The following FMNL3 variants were observed in gnomAD, a reference collection of about 807,000 sequenced individuals.
FMNL3 encodes formin-like protein 3.
FMNL3 carries 57 observed loss-of-function variants against 119.6 expected under a neutral mutation model. The observed-to-expected ratio is 0.48, with a 90% CI of 0.39 to 0.59. The LOEUF is 0.59. Ranked by LOEUF, FMNL3 falls within the 20% of genes least tolerant of loss-of-function variation. The pLI, the probability that FMNL3 is intolerant of heterozygous loss-of-function variation, is 0.00. For missense variants in FMNL3, 1,053 were observed against 1,323.5 expected, an observed-to-expected ratio of 0.80 and a Z score of 3.17; for synonymous variants, 491 against 507.3, an observed-to-expected ratio of 0.97 and a Z score of 0.43.
chr12:49,698,095 T>G (rs904330696), intron 1 of FMNL3, among the ~76,000 whole-genome samples: 3 of 152,224 alleles, frequency 2.0e-5, no homozygotes, highest in African/African-American at 7.2e-5. Context: ...ACCAGGCTCA[T>G]GTCAACTTTC....
At position 49,642,893 on chromosome 12, in the gene FMNL3, G is replaced by A. The variant is rs1243276104; in HGVS notation, c.*2922C>T. 8 of 1,588,740 alleles carry A rather than the reference G, an allele frequency of 5.0e-6. No homozygotes were observed. Among genetic ancestry groups the A allele is most frequent in the South Asian group, 1.1e-5 (1 of 88,150 alleles). On this transcript the variant is annotated 3_prime_UTR_variant, in exon 26 of 26. Transcript: ENST00000335154. The surrounding 1 kb of genome is among the most constrained non-coding windows in gnomAD (Gnocchi z 5.8). ...TAGGATCCTTCCTGGGGCTAAGTCT[G>A]GTGCTGTCCTCACCCTTCTTCCTCT...
At chr12:49,691,674 T>C (rs1352625063) in intron 1 of FMNL3, among the ~76,000 whole-genome samples, 1 of 152,146 alleles carries the variant, frequency 6.6e-6, no homozygotes, top group Non-Finnish European at 1.5e-5. Context: ...GCCCTTTCTC[T>C]CTCTCGCACT....
Position 49,650,812 on chromosome 12 carries a change from T to C in FMNL3, c.1864A>G (p.Ile622Val). 6.2e-7 allele frequency: 1 copy of C among 1,614,200 alleles called. No individual in the cohort carries two copies. The highest frequency in any genetic ancestry group is 8.5e-7 in the Non-Finnish European group (1 of 1,180,022). The stretch of plus-strand genomic sequence containing the variant: ...TGCGCTGTCTTGTTTTTGGAGCAGA[T>C]GAGGTCAAGGGCAGGGCCCTGCGCT... ...TKAQGPALDL[I>V]CSKNKTAQKA... The change falls in exon 17 of 26, where the codon ATC (isoleucine) becomes GTC (valine). Residue 622 changes from isoleucine (I) to valine (V), a missense_variant. By Grantham distance (29) the Ile-to-Val change is conservative (BLOSUM62 3). Transcript: ENST00000335154.
rs1942499640 is a variant in FMNL3 at position 49,640,607 on chromosome 12, TGGC to T, written c.*5205_*5207del. On this transcript the variant is annotated 3_prime_UTR_variant, in exon 26 of 26. Transcript: ENST00000335154. ...AGTCAGATTACTCCTGGTTGCTTATTGGCTCTGAGACCTCCGTAAGTTCCGTGT... is the reference window on the plus strand; with the variant it reads ...AGTCAGATTACTCCTGGTTGCTTATTTCTGAGACCTCCGTAAGTTCCGTGT... 6.6e-6 allele frequency: 1 copy of T among 152,242 alleles called. No individual in the cohort carries two copies. Among genetic ancestry groups the T allele is most frequent in the Non-Finnish European group, 1.5e-5 (1 of 68,042 alleles). 9.4% of individuals were successfully genotyped at this position (152,242 alleles called of 1,614,324 possible).
chr12:49,678,105 G>C (rs977683794), intron 1 of FMNL3, among the ~76,000 whole-genome samples: 7 of 151,982 alleles, frequency 4.6e-5, no homozygotes, highest in African/African-American at 1.7e-4. Flanking sequence ...TTCATGATCT[G>C]CCTGACTCGG....
rs370989934 is a variant in FMNL3 at position 49,644,114 on chromosome 12, G to A, written c.*1701C>T. 9.2e-5 allele frequency: 148 copies of A among 1,614,212 alleles called. 1 individual carries two copies. The highest frequency in any genetic ancestry group is 1.6e-4 in the Middle Eastern group (1 of 6,062). ...TGCTCCAACAGACAGGCTGGGACAC[G>A]TCAGAAAGTGAGCTGAGTGAGGGTG... On this transcript the variant is annotated 3_prime_UTR_variant, in exon 26 of 26. Transcript: ENST00000335154.
chr12:49,678,123 A>C (rs913727897), intron 1 of FMNL3, among the ~76,000 whole-genome samples: 3 of 151,420 alleles, frequency 2.0e-5, no homozygotes, highest in African/African-American at 7.3e-5. Context: ...CGGCCTCCCA[A>C]AGTGCTGGGA....
At chr12:49,648,443 T>G (rs1943283813) in intron 21 of FMNL3, 90 bp from the exon 22 acceptor site, 6 of 1,392,526 alleles carry the variant, frequency 4.3e-6, no homozygotes, top group Non-Finnish European at 4.8e-6. Flanking sequence ...GCCCTCCCCC[T>G]CAGCATGGGC....
Position 49,640,918 on chromosome 12 carries a change from T to C in FMNL3, c.*4897A>G, listed in dbSNP as rs1942549984. ...CTTGGAGCTTTCAATTCCCTGAGAATGAATGCTGTGTTGATAAGGACTGTA... is the reference window on the plus strand; with the variant it reads ...CTTGGAGCTTTCAATTCCCTGAGAACGAATGCTGTGTTGATAAGGACTGTA... On this transcript the variant is annotated 3_prime_UTR_variant, in exon 26 of 26. Transcript: ENST00000335154. 1 of 152,134 alleles carries C rather than the reference T, an allele frequency of 6.6e-6. No individual in the cohort carries two copies. The highest frequency in any genetic ancestry group is 2.4e-5 in the African/African-American group (1 of 41,390). 9.4% of individuals were successfully genotyped at this position (152,134 alleles called of 1,614,324 possible).
chr12:49,692,839 T>C (rs1944642060), intron 1 of FMNL3, among the ~76,000 whole-genome samples: 2 of 152,098 alleles, frequency 1.3e-5, no homozygotes, highest in African/African-American at 4.8e-5. Flanking sequence ...AGAAAAAGAA[T>C]AGTAAGTGGG....
rs1035579183 is a variant in FMNL3 at position 49,692,909 on chromosome 12, C to T, written c.126+14146G>A. 2.6e-4 allele frequency among the ~76,000 whole-genome samples: 40 copies of T among 152,154 alleles called. 1 individual carries two copies. Among genetic ancestry groups the T allele is most frequent in the Admixed American group, 2.6e-4 (4 of 15,266 alleles). ...ACCTAAAGTATAAACTAGAAAGAGT[C>T]GTTTTAACATCCAGGCAAAGGGTAT... On this transcript the variant is annotated intron_variant, in intron 1 of 25. Transcript: ENST00000335154.
At position 49,649,747 on chromosome 12, in the gene FMNL3, T is replaced by C; in HGVS notation, c.2179A>G (p.Met727Val). 1 of 1,614,182 alleles carries C rather than the reference T, an allele frequency of 6.2e-7. No homozygotes were observed. The highest frequency in any genetic ancestry group is 8.5e-7 in the Non-Finnish European group (1 of 1,180,024). Residue 727 changes from methionine (M) to valine (V), a missense_variant, in exon 18 of 26, where the codon ATG becomes GTG. Physicochemically the swap from Met to Val is conservative, Grantham distance 21 (BLOSUM62 1). Transcript: ENST00000335154. This position sits in a 1 kb window ranked among gnomAD's most constrained non-coding sequence, Gnocchi z 5.6. ...FSKVERLTQR[M>V]AGMAFLGNFQ... ...TTCCCCAGGAAGGCCATGCCAGCCATTCGCTGGGTCAACCGTTCCACCTTG... is the reference window on the plus strand; with the variant it reads ...TTCCCCAGGAAGGCCATGCCAGCCACTCGCTGGGTCAACCGTTCCACCTTG...
intron 3 of FMNL3, 84 bp from the exon 4 acceptor site, chr12:49,665,992 T>C (rs1057178629): frequency 6.4e-7 from 1 of 1,552,328 alleles, no homozygotes; most frequent in African/African-American, 1.4e-5. Context: ...TTCCAGGCCC[T>C]TGGCCACAGA....
chr12:49,662,741 T>C (rs1943771306), intron 4 of FMNL3, among the ~76,000 whole-genome samples: 1 of 152,118 alleles, frequency 6.6e-6, no homozygotes. Flanking sequence ...GCCAGGAAGG[T>C]AGACAACAAA....
At chr12:49,670,075 T>A (rs2138876083) in intron 1 of FMNL3, among the ~76,000 whole-genome samples, 1 of 152,340 alleles carries the variant, frequency 6.6e-6, no homozygotes, top group Non-Finnish European at 1.5e-5. Flanking sequence ...TTCTCTCCTT[T>A]AACTACTGTC....
chr12:49,648,235 T>G lies in FMNL3; in HGVS notation c.2634A>C (p.Glu878Asp). 17 of 1,613,916 alleles carry G rather than the reference T, an allele frequency of 1.1e-5. No homozygotes were observed. Among genetic ancestry groups the G allele is most frequent in the Non-Finnish European group, 1.4e-5 (17 of 1,179,898 alleles). Reference sequence around the variant, plus strand: ...CCCGCTGGAGCTTGTCTAGTTTGCCTTCATTGGTACTGAGGAAGTTCCGGA... The same window carrying G: ...CCCGCTGGAGCTTGTCTAGTTTGCCGTCATTGGTACTGAGGAAGTTCCGGA... ...SVLRNFLSTN[E>D]GKLDKLQRDA... The change falls in exon 22 of 26, where the codon GAA (glutamate) becomes GAC (aspartate). Residue 878 changes from glutamate (E) to aspartate (D), a missense_variant. Glu to Asp is a conservative substitution (Grantham distance 45, BLOSUM62 2). This residue lies in a region of FMNL3 where 324 missense variants were observed against 380.9 expected (regional missense o/e 0.85). Coordinates refer to ENST00000335154, the MANE Select transcript of FMNL3 (RefSeq NM_175736.5).
chr12:49,685,338 T>G (rs748493475), intron 1 of FMNL3, among the ~76,000 whole-genome samples: 1 of 152,118 alleles, frequency 6.6e-6, no homozygotes, highest in African/African-American at 2.4e-5. Context: ...GGCACGCGCC[T>G]GTAGTCCCAG....
intron 1 of FMNL3, among the ~76,000 whole-genome samples, chr12:49,674,373 C>T (rs902037432): frequency 6.6e-6 from 1 of 152,214 alleles, no homozygotes; most frequent in Non-Finnish European, 1.5e-5. Context: ...TGTACCACCC[C>T]ACCACCACAC....
intron 1 of FMNL3, among the ~76,000 whole-genome samples, chr12:49,679,033 TA>T (rs1322878682): frequency 6.6e-6 from 1 of 152,130 alleles, no homozygotes; most frequent in African/African-American, 2.4e-5. Context: ...ATAACACTAC[TA>T]AAATGAAAAC....
Sources: allele counts gnomAD v4.1 joint callset (sites outside exome capture counted in the v4.1 genomes callset), GRCh38; gene constraint gnomAD v4.1.1; regional missense constraint gnomAD v4.1.1; non-coding constraint Gnocchi (gnomAD v3.1); transcripts MANE v1.5; gene names NCBI Gene and HGNC (gene_info 2026-07-23, HGNC 2026-07-21).